The following CENPU variants were observed in gnomAD, a reference collection of about 807,000 sequenced individuals.
The protein encoded by CENPU is KSHV latent nuclear antigen interacting protein 1.
A neutral mutation model predicts 56.7 loss-of-function variants in CENPU; 46 were observed. The observed-to-expected ratio is 0.81, with a 90% CI of 0.64 to 1.04. CENPU has a LOEUF of 1.04. CENPU is among the 50% of genes least tolerant of loss of function. The pLI, the probability that CENPU is intolerant of heterozygous loss-of-function variation, is 0.00. For missense variants in CENPU, 510 were observed against 490.1 expected, an observed-to-expected ratio of 1.04 and a Z score of -0.38; for synonymous variants, 166 against 163.0, an observed-to-expected ratio of 1.02 and a Z score of -0.14.
chr4:184,702,880 A>G (rs1760585231), intron 8 of CENPU, among the ~76,000 whole-genome samples: 1 of 152,196 alleles, frequency 6.6e-6, no homozygotes, highest in African/African-American at 2.4e-5. Flanking sequence ...AGCTGCATCC[A>G]TATTGCTGCA....
intron 8 of CENPU, among the ~76,000 whole-genome samples, chr4:184,707,354 T>C (rs1023271610): frequency 6.9e-6 from 1 of 145,234 alleles, no homozygotes; most frequent in African/African-American, 2.8e-5. Context: ...ATAGTGTGCC[T>C]GCTCACCCCC....
Position 184,699,599 on chromosome 4 carries a change from G to A in CENPU, c.986+1221C>T, listed in dbSNP as rs963727644. On this transcript the variant is annotated intron_variant, in intron 11 of 12. Coordinates refer to ENST00000281453, the MANE Select transcript of CENPU (RefSeq NM_024629.4). ...CTTACCATAGGCCAGCACCTGTCCA[G>A]AGACTCAATTTAGAAACCAACAGAT... 4.7e-6 allele frequency: 6 copies of A among 1,288,738 alleles called. No individual in the cohort carries two copies. The East Asian group carries it at 2.8e-4, about 60-fold the overall frequency. 79.8% of individuals were successfully genotyped at this position (1,288,738 alleles called of 1,614,324 possible).
In CENPU at chr4:184,697,738, AG is replaced by A. The variant is rs780850807; in HGVS notation, c.1051del (p.Arg352GlyfsTer10). On this transcript the variant is annotated frameshift_variant, in exon 12 of 13. Coordinates refer to ENST00000281453, the MANE Select transcript of CENPU (RefSeq NM_024629.4). LOFTEE classifies it high-confidence loss of function. ...YDELKERKSSLRNAAYFLSNL... is the reference protein window; with the variant it reads ...YDELKERKSSXRNAAYFLSNL... ...AGATAAGAAATATGCTGCATTCCTA[AG>A]GGAAGACTTTCTCTCTTTAAGTTCA... 2 of 1,612,964 alleles carry A rather than the reference AG, an allele frequency of 1.2e-6. No individual in the cohort carries two copies. Among genetic ancestry groups the A allele is most frequent in the Admixed American group, 3.3e-5 (2 of 59,836 alleles).
intron 4 of CENPU, among the ~76,000 whole-genome samples, chr4:184,721,673 G>C (rs1273469546): frequency 1.3e-5 from 2 of 152,172 alleles, no homozygotes; most frequent in Non-Finnish European, 2.9e-5. Context: ...ACTACATAAT[G>C]ACAAAGGGGT....
At chr4:184,727,485 C>G (rs1453919027) in intron 3 of CENPU, among the ~76,000 whole-genome samples, 1 of 152,186 alleles carries the variant, frequency 6.6e-6, no homozygotes, top group Non-Finnish European at 1.5e-5. Flanking sequence ...CAATGAGGTG[C>G]TGGGATGGCT....
At chr4:184,730,486 G>T (rs1039398950) in intron 2 of CENPU, among the ~76,000 whole-genome samples, 2 of 127,256 alleles carry the variant, frequency 1.6e-5, no homozygotes, top group East Asian at 3.9e-4. Flanking sequence ...AAAAAAAACT[G>T]GAATTAGCTA....
chr4:184,722,039 C>T (rs536172502), intron 4 of CENPU, among the ~76,000 whole-genome samples: 1 of 152,262 alleles, frequency 6.6e-6, no homozygotes, highest in South Asian at 2.1e-4. Context: ...ACCGAAATAT[C>T]AAGTATCTTC....
chr4:184,722,602 G>A (rs532281647), intron 4 of CENPU, among the ~76,000 whole-genome samples: 26 of 150,934 alleles, frequency 1.7e-4, no homozygotes, highest in Non-Finnish European at 2.8e-4. Context: ...TAAATATATC[G>A]CTGCATCTAA....
At chr4:184,702,463 G>T (rs1396714983) in intron 8 of CENPU, 22 bp from the exon 9 acceptor site, 1 of 1,559,034 alleles carries the variant, frequency 6.4e-7, no homozygotes, top group Non-Finnish European at 8.7e-7. Flanking sequence ...TTAAAAAAAA[G>T]TCTAAGTACC....
In CENPU at chr4:184,716,858, A is replaced by G. The variant is rs1351126930; in HGVS notation, c.382-225T>C. On this transcript the variant is annotated intron_variant, in intron 5 of 12. Coordinates refer to ENST00000281453, the MANE Select transcript of CENPU (RefSeq NM_024629.4). ...ATTCACTCTGCCTTTTAAAATCACAACCTAACCACAGTACAAGAATGCTAT... is the reference window on the plus strand; with the variant it reads ...ATTCACTCTGCCTTTTAAAATCACAGCCTAACCACAGTACAAGAATGCTAT... 2.6e-5 allele frequency among the ~76,000 whole-genome samples: 4 copies of G among 152,320 alleles called. No individual in the cohort carries two copies. The East Asian group carries it at 7.7e-4, about 29-fold the overall frequency.
At chr4:184,696,333 C>G (rs562688316) in intron 12 of CENPU, among the ~76,000 whole-genome samples, 18 of 152,246 alleles carry the variant, frequency 1.2e-4, no homozygotes, top group Non-Finnish European at 2.1e-4. Flanking sequence ...GCAAAAGGGA[C>G]AGTTAATACA....
intron 8 of CENPU, among the ~76,000 whole-genome samples, chr4:184,707,253 T>C (rs1405571969): frequency 6.6e-6 from 1 of 150,936 alleles, no homozygotes; most frequent in African/African-American, 2.5e-5. Context: ...GTAGAGAGAA[T>C]AACTGCTGTA....
chr4:184,705,568 A>C (rs1045261917), intron 8 of CENPU, among the ~76,000 whole-genome samples: 2 of 145,288 alleles, frequency 1.4e-5, no homozygotes, highest in African/African-American at 5.5e-5. Context: ...TCTCAAAAGA[A>C]GACATTTAAT....
At chr4:184,723,595 G>A (rs1270323052) in intron 4 of CENPU, among the ~76,000 whole-genome samples, 2 of 152,226 alleles carry the variant, frequency 1.3e-5, no homozygotes, top group East Asian at 1.9e-4. Flanking sequence ...TGTAATCCTA[G>A]CACTTTGGGA....
intron 11 of CENPU, chr4:184,698,149 A>G: frequency 5.6e-6 from 1 of 178,830 alleles, no homozygotes; most frequent in Non-Finnish European, 1.2e-5. Context: ...CAGGCACTAC[A>G]GTCTAACACA....
chr4:184,699,195 T>C (rs533633901), intron 11 of CENPU, among the ~76,000 whole-genome samples: 38 of 151,958 alleles, frequency 2.5e-4, no homozygotes, highest in Non-Finnish European at 5.4e-4. Flanking sequence ...CCGGGCACAG[T>C]GGCAGGCGCC....
intron 5 of CENPU, 130 bp downstream of exon 5, chr4:184,717,006 C>A: frequency 3.1e-6 from 2 of 649,092 alleles, no homozygotes; most frequent in South Asian, 2.3e-5. Flanking sequence ...AAAAATGGTG[C>A]TACGGAATGT....
intron 3 of CENPU, among the ~76,000 whole-genome samples, chr4:184,726,974 T>TAG (rs1272830733): frequency 1.1e-5 from 1 of 93,118 alleles, no homozygotes; most frequent in African/African-American, 4.2e-5. Flanking sequence ...TCCTGGGGGG[T>TAG]GGGGGGGGGG....
At chr4:184,711,808 G>A (rs1319255171) in intron 7 of CENPU, among the ~76,000 whole-genome samples, 5 of 151,798 alleles carry the variant, frequency 3.3e-5, no homozygotes, top group African/African-American at 7.3e-5. Context: ...GAAAACATAC[G>A]TTCGCAAAAA....
Sources: gnomAD v4.1 joint callset for allele counts (sites outside exome capture counted in the v4.1 genomes callset) on GRCh38, gnomAD v4.1.1 for gene constraint, MANE v1.5 for transcripts, NCBI Gene and HGNC (gene_info 2026-07-23, HGNC 2026-07-21) for gene names.